Variants in TSC22D2 observed in about 807,000 individuals in gnomAD.
TSC22D2 encodes the protein TSC22 domain family protein 2.
TSC22D2 carries 5 observed loss-of-function variants against 50.1 expected under a neutral mutation model. That is an observed-to-expected ratio of 0.10 (90% CI 0.05 to 0.21). The LOEUF (loss-of-function observed/expected upper bound fraction) is 0.21, where lower values mean the gene tolerates loss of function less well. Among genes scored for constraint, TSC22D2 ranks in the 10% least tolerant of loss-of-function variants. The pLI is 1.00. For missense variants in TSC22D2, 1,003 were observed against 1,015.5 expected (o/e 0.99, Z 0.17); for synonymous variants, 501 against 450.1 (o/e 1.11, Z -1.43).
Position 150,421,682 on chromosome 3 carries a change from C to CT in TSC22D2, c.1958+10384dup, listed in dbSNP as rs542310622. Among the ~76,000 whole-genome samples, 884 of 148,434 alleles carry CT rather than the reference C, an allele frequency of 6.0e-3. 9 individuals are homozygous for CT. Among genetic ancestry groups the CT allele is most frequent in the African/African-American group, 0.018 (725 of 40,594 alleles). On this transcript the variant is annotated intron_variant, in intron 1 of 2. Coordinates refer to ENST00000688009, the MANE Select transcript of TSC22D2 (RefSeq NM_001303264.2). ...GGTGATTCTCTGGCATCTTGGAAGT[C>CT]TTTTTTTTTTATTGTACTAATAATT...
chr3:150,426,311 CTT>C (rs1720186225), intron 1 of TSC22D2, among the ~76,000 whole-genome samples: 2 of 152,164 alleles, frequency 1.3e-5, no homozygotes, highest in Non-Finnish European at 2.9e-5. Context: ...AGAATAGTAA[CTT>C]TAAAATTTGA....
Position 150,410,810 on chromosome 3 carries a change from G to A in TSC22D2, c.1460G>A (p.Gly487Asp). ...CAGTCCGTGCCTCCGCCGCAGATGG[G>A]TGGCAGTGGTCCGCTGTCAGCCGTA... The part of the protein sequence containing the change: ...QPQSVPPPQM[G>D]GSGPLSAVPG... Residue 487 changes from glycine to aspartate, a missense_variant, in exon 1 of 3, where the codon GGT becomes GAT. Physicochemically the swap from Gly to Asp is moderately conservative, Grantham distance 94. Transcript: ENST00000688009. 2.5e-6 allele frequency: 4 copies of A among 1,613,386 alleles called. No homozygotes were observed. The highest frequency in any genetic ancestry group is 3.4e-6 in the Non-Finnish European group (4 of 1,179,950).
chr3:150,456,827 T>C, intron 1 of TSC22D2: 1 of 427,448 alleles, frequency 2.3e-6, no homozygotes, highest in South Asian at 2.9e-5. Context: ...AGTTTTAAAG[T>C]AGCATACATG....
chr3:150,418,566 A>G (rs1719901851), intron 1 of TSC22D2, among the ~76,000 whole-genome samples: 1 of 151,862 alleles, frequency 6.6e-6, no homozygotes, highest in Non-Finnish European at 1.5e-5. Flanking sequence ...CTCTTGAACT[A>G]AATCTTAAAA....
At chr3:150,422,209 A>G (rs956494084) in intron 1 of TSC22D2, among the ~76,000 whole-genome samples, 1 of 152,224 alleles carries the variant, frequency 6.6e-6, no homozygotes, top group Non-Finnish European at 1.5e-5. Flanking sequence ...TTTGGCTTCC[A>G]GATGTACAGG....
chr3:150,410,403 G>T lies in TSC22D2; in HGVS notation c.1053G>T (p.Ala351=), dbSNP rs1471114934. 1.1e-5 allele frequency: 18 copies of T among 1,607,606 alleles called. No individual in the cohort carries two copies. The highest frequency in any genetic ancestry group is 1.5e-5 in the Non-Finnish European group (18 of 1,177,976). ...GCCCTGCAGTGGGCGCCCCCGCGGC[G>T]CAGCAGCCCCAGCAGTTCGCGTATC... is the stretch of plus-strand genomic sequence containing the variant. ...QPGPAVGAPA[A]QQPQQFAYPQ... Residue 351 remains alanine (A), a synonymous_variant, in exon 1 of 3, where the codon GCG becomes GCT. Coordinates refer to ENST00000688009, the MANE Select transcript of TSC22D2 (RefSeq NM_001303264.2).
intron 1 of TSC22D2, among the ~76,000 whole-genome samples, chr3:150,454,501 G>A (rs1168859578): frequency 6.6e-6 from 1 of 152,142 alleles, no homozygotes; most frequent in Non-Finnish European, 1.5e-5. Context: ...TCAAAGCATA[G>A]TCAGACAGTA....
chr3:150,423,330 TTAAGTA>T (rs1720075650), intron 1 of TSC22D2: 4 of 350,180 alleles, frequency 1.1e-5, no homozygotes, highest in African/African-American at 2.1e-5. Context: ...CCTGTGTACT[TTAAGTA>T]TATCTATATT....
rs1320915187 is a variant in TSC22D2 at position 150,459,650 on chromosome 3, A to G, written c.*1014A>G. 2 of 146,882 alleles carry G rather than the reference A, an allele frequency of 1.4e-5. No individual in the cohort carries two copies. The highest frequency in any genetic ancestry group is 2.1e-4 in the South Asian group (1 of 4,696). 9.1% of individuals were successfully genotyped at this position (146,882 alleles called of 1,614,324 possible). A position where few individuals can be genotyped will look rare whatever the true frequency, so the allele number is the denominator to read the frequency against. On this transcript the variant is annotated 3_prime_UTR_variant, in exon 3 of 3. Coordinates refer to ENST00000688009, the MANE Select transcript of TSC22D2 (RefSeq NM_001303264.2). The stretch of plus-strand genomic sequence containing the variant: ...TTTATTTAGTGTTTTCTCAGTCACA[A>G]TTTTCTTTACTGTCTAGCATGATCT...
At chr3:150,422,620 GT>G (rs1019134113) in intron 1 of TSC22D2, among the ~76,000 whole-genome samples, 4 of 152,134 alleles carry the variant, frequency 2.6e-5, no homozygotes, top group Admixed American at 1.3e-4. Context: ...CCTAAGAAAA[GT>G]TTTTATATTG....
Position 150,410,491 on chromosome 3 carries a change from C to T in TSC22D2, c.1141C>T (p.Leu381=), listed in dbSNP as rs1288679957. The change falls in exon 1 of 3, where the codon CTG becomes TTG. Residue 381 remains leucine (L), a synonymous_variant. Coordinates refer to ENST00000688009, the MANE Select transcript of TSC22D2 (RefSeq NM_001303264.2). ...CCAGCCCTCCGGCCAGAGTGAGTAC[C>T]TGCAGCAGCACGTGGCCGGCCTGCA... ...PVQPSGQSEY[L]QQHVAGLQPP... 1.9e-6 allele frequency: 3 copies of T among 1,605,248 alleles called. No homozygotes were observed. The highest frequency in any genetic ancestry group is 1.3e-5 in the African/African-American group (1 of 74,378).
chr3:150,456,029 T>C (rs1007131170), intron 1 of TSC22D2, among the ~76,000 whole-genome samples: 1 of 152,160 alleles, frequency 6.6e-6, no homozygotes, highest in African/African-American at 2.4e-5. Flanking sequence ...TAAGGTGATA[T>C]TTGAACTTGG....
At chr3:150,429,114 A>T (rs1406253721) in intron 1 of TSC22D2, among the ~76,000 whole-genome samples, 1 of 152,180 alleles carries the variant, frequency 6.6e-6, no homozygotes, top group African/African-American at 2.4e-5. Context: ...ATGGAAGGGT[A>T]GTAAACTATT....
chr3:150,427,841 A>C (rs1210217492), intron 1 of TSC22D2, among the ~76,000 whole-genome samples: 2 of 148,806 alleles, frequency 1.3e-5, no homozygotes, highest in African/African-American at 5.0e-5. Flanking sequence ...CTTTTATTTT[A>C]CTTTTTAATC....
chr3:150,425,849 T>A, intron 1 of TSC22D2, among the ~76,000 whole-genome samples: 1 of 152,356 alleles, frequency 6.6e-6, no homozygotes, highest in African/African-American at 2.4e-5. Flanking sequence ...TCATATTGAC[T>A]TAAAGTTCTC....
At chr3:150,424,523 A>C (rs1394563744) in intron 1 of TSC22D2, among the ~76,000 whole-genome samples, 1 of 152,196 alleles carries the variant, frequency 6.6e-6, no homozygotes, top group Non-Finnish European at 1.5e-5. Context: ...GATAATTTGA[A>C]TATGATATTG....
In TSC22D2 at chr3:150,409,665, A is replaced by G. The variant is rs1719428346; in HGVS notation, c.315A>G (p.Gly105=). 1.2e-6 allele frequency: 2 copies of G among 1,600,680 alleles called. No homozygotes were observed. The highest frequency in any genetic ancestry group is 1.7e-6 in the Non-Finnish European group (2 of 1,173,690). ...AAAAAAPANG[G]GVVSARSVSG... Reference sequence around the variant, plus strand: ...CGGCTGCTGCTCCCGCCAACGGAGGAGGAGTCGTTTCGGCCCGGAGCGTGT... The same window carrying G: ...CGGCTGCTGCTCCCGCCAACGGAGGGGGAGTCGTTTCGGCCCGGAGCGTGT... The change falls in exon 1 of 3, where the codon GGA becomes GGG. Residue 105 remains glycine, a synonymous_variant. Transcript: ENST00000688009. The surrounding 1 kb of genome is among the most constrained non-coding windows in gnomAD (Gnocchi z 7.4).
In TSC22D2 at chr3:150,413,799, C is replaced by T. The variant is rs1719684333; in HGVS notation, c.1958+2491C>T. Among the ~76,000 whole-genome samples, 5 of 151,756 alleles carry T rather than the reference C, an allele frequency of 3.3e-5. No homozygotes were observed. In the South Asian group the frequency reaches 8.3e-4, roughly 25 times the overall value. On this transcript the variant is annotated intron_variant, in intron 1 of 2. Coordinates refer to ENST00000688009, the MANE Select transcript of TSC22D2 (RefSeq NM_001303264.2). ...AATAAAACCAACTGGAGTGAGAGGTCTTGACTAATTGTGATTTAAACTTTG... is the reference window on the plus strand; with the variant it reads ...AATAAAACCAACTGGAGTGAGAGGTTTTGACTAATTGTGATTTAAACTTTG...
intron 1 of TSC22D2, among the ~76,000 whole-genome samples, chr3:150,455,276 G>A (rs1022551236): frequency 3.3e-5 from 5 of 152,080 alleles, no homozygotes; most frequent in Non-Finnish European, 7.4e-5. Flanking sequence ...ATACTAAAGC[G>A]TTATGGTTGA....
Sources: allele counts gnomAD v4.1 joint callset (sites outside exome capture counted in the v4.1 genomes callset), GRCh38; gene constraint gnomAD v4.1.1; non-coding constraint Gnocchi (gnomAD v3.1); transcripts MANE v1.5; gene names NCBI Gene and HGNC (gene_info 2026-07-23, HGNC 2026-07-21).